The following SPACA7 variants were observed in gnomAD, a reference collection of about 807,000 sequenced individuals.
The protein encoded by SPACA7 is sperm acrosome associated 7.
In SPACA7, 19 loss-of-function variants were observed where a neutral mutation model predicts 26.3. The ratio of observed to expected loss-of-function variants is 0.72; its 90% CI spans 0.50 to 1.06. The LOEUF (loss-of-function observed/expected upper bound fraction) is 1.06, where lower values mean the gene tolerates loss of function less well. Ranked by LOEUF, SPACA7 falls within the 50% of genes least tolerant of loss-of-function variation. The pLI, the probability that SPACA7 is intolerant of heterozygous loss-of-function variation, is 0.00. For synonymous variants in SPACA7, 84 were observed against 84.5 expected, an observed-to-expected ratio of 0.99 and a Z score of 0.04; for missense variants, 211 against 229.9, an observed-to-expected ratio of 0.92 and a Z score of 0.53.
At chr13:112,389,528 G>C (rs1039371764) in intron 1 of SPACA7, among the ~76,000 whole-genome samples, 10 of 152,172 alleles carry the variant, frequency 6.6e-5, no homozygotes, top group Non-Finnish European at 1.2e-4. Context: ...ATTTGGGTTA[G>C]CTCCTCTGTT....
chr13:112,392,066 T>C (rs1326821718), intron 1 of SPACA7, among the ~76,000 whole-genome samples: 1 of 152,230 alleles, frequency 6.6e-6, no homozygotes, highest in Non-Finnish European at 1.5e-5. Context: ...TGGAAAGCTC[T>C]GTGCACTCTG....
intron 5 of SPACA7, among the ~76,000 whole-genome samples, chr13:112,416,978 C>G (rs9550078): frequency 0.4 from 60,324 of 151,908 alleles, 12,099 homozygotes; most frequent in Middle Eastern, 0.45. Flanking sequence ...ATGTTTGATG[C>G]ACACTTAGAT....
intron 5 of SPACA7, among the ~76,000 whole-genome samples, chr13:112,429,648 T>C (rs1176775120): frequency 6.6e-6 from 1 of 152,200 alleles, no homozygotes; most frequent in Non-Finnish European, 1.5e-5. Context: ...ACATTTTTAA[T>C]ACTTTTGCTT....
chr13:112,419,475 G>C (rs1286662154), intron 5 of SPACA7, among the ~76,000 whole-genome samples: 1 of 152,166 alleles, frequency 6.6e-6, no homozygotes, highest in Non-Finnish European at 1.5e-5. Context: ...TTTCTCAGTA[G>C]CTCTGAAGCT....
intron 1 of SPACA7, among the ~76,000 whole-genome samples, chr13:112,391,365 A>G (rs1042446473): frequency 2.0e-5 from 3 of 152,216 alleles, no homozygotes; most frequent in African/African-American, 7.2e-5. Context: ...TGAGTTGACC[A>G]TGTTTTGTGG....
chr13:112,433,445 T>C (rs71445100), intron 6 of SPACA7, among the ~76,000 whole-genome samples: 30,834 of 137,186 alleles, frequency 0.22, 790 homozygotes, highest in East Asian at 0.28. Flanking sequence ...CCTGGGAGCT[T>C]ACCTGCTAGA....
In SPACA7 at chr13:112,434,560, C is replaced by G; in HGVS notation, c.*11C>G. The G allele has an allele frequency of 6.3e-7, 1 of 1,599,110 alleles. No individual in the cohort carries two copies. The highest frequency in any genetic ancestry group is 8.5e-7 in the Non-Finnish European group (1 of 1,173,434). On this transcript the variant is annotated 3_prime_UTR_variant, in exon 7 of 7. Coordinates refer to ENST00000283550, the MANE Select transcript of SPACA7 (RefSeq NM_145248.5). ...CAAGGCAGTCAGTGAGGCCGCAGCCCCAGACCCCCTGCGCAGGAGAGGAGC... is the reference window on the plus strand; with the variant it reads ...CAAGGCAGTCAGTGAGGCCGCAGCCGCAGACCCCCTGCGCAGGAGAGGAGC...
intron 5 of SPACA7, among the ~76,000 whole-genome samples, chr13:112,407,806 C>T (rs36183504): frequency 1.3e-5 from 2 of 152,140 alleles, no homozygotes; most frequent in Non-Finnish European, 2.9e-5. Context: ...GGAGCTGGTA[C>T]CATTCCTTCT....
chr13:112,384,830 A>G (rs1884423858), intron 1 of SPACA7, among the ~76,000 whole-genome samples: 1 of 152,142 alleles, frequency 6.6e-6, no homozygotes. Flanking sequence ...CTCTTTCATT[A>G]TATTTTAACA....
At chr13:112,381,629 T>G (rs1479750242) in intron 1 of SPACA7, among the ~76,000 whole-genome samples, 1 of 152,188 alleles carries the variant, frequency 6.6e-6, no homozygotes, top group African/African-American at 2.4e-5. Flanking sequence ...GAGCCAGCTG[T>G]GCAGGAGACC....
intron 1 of SPACA7, among the ~76,000 whole-genome samples, chr13:112,383,126 AAAGAAAGAAAGAAAG>A (rs1566453089): frequency 2.0e-3 from 6 of 3,058 alleles, no homozygotes; most frequent in Non-Finnish European, 5.6e-3. Context: ...AAAAGAAAAG[AAAGAAAGAAAGAAAG>A]AAAGAAAGAA....
At chr13:112,383,097 A>G (rs968808465) in intron 1 of SPACA7, among the ~76,000 whole-genome samples, 1 of 45,404 alleles carries the variant, frequency 2.2e-5, no homozygotes, top group African/African-American at 6.7e-5. Context: ...AAAGAAAGAA[A>G]GAAGAAAGAA....
intron 2 of SPACA7, among the ~76,000 whole-genome samples, chr13:112,397,618 G>T (rs1396263407): frequency 1.3e-5 from 2 of 152,216 alleles, no homozygotes; most frequent in Non-Finnish European, 2.9e-5. Flanking sequence ...CTCCCTAGGA[G>T]AACCCATAGG....
intron 1 of SPACA7, among the ~76,000 whole-genome samples, chr13:112,387,945 A>G (rs1446048358): frequency 6.6e-6 from 1 of 152,194 alleles, no homozygotes. Context: ...GTTTTCTTTG[A>G]TCCACTCCAG....
At chr13:112,384,936 A>C (rs1456215967) in intron 1 of SPACA7, among the ~76,000 whole-genome samples, 3 of 152,232 alleles carry the variant, frequency 2.0e-5, no homozygotes, top group Non-Finnish European at 2.9e-5. Context: ...AAAATTTTAT[A>C]TCTCTATCAG....
chr13:112,414,977 A>G (rs1886596432), intron 5 of SPACA7, among the ~76,000 whole-genome samples: 2 of 152,088 alleles, frequency 1.3e-5, no homozygotes, highest in African/African-American at 4.8e-5. Context: ...TTCAAAGGAG[A>G]CTGACTGACT....
chr13:112,432,216 G>T (rs939198746), intron 5 of SPACA7, among the ~76,000 whole-genome samples: 1 of 152,204 alleles, frequency 6.6e-6, no homozygotes, highest in Non-Finnish European at 1.5e-5. Flanking sequence ...AGGACTCCAC[G>T]CATTGCTTCG....
chr13:112,379,744 T>C (rs911517602), intron 1 of SPACA7, among the ~76,000 whole-genome samples: 3 of 152,232 alleles, frequency 2.0e-5, no homozygotes, highest in Non-Finnish European at 4.4e-5. Context: ...TTTGAGATTT[T>C]CTAGTGGCCC....
At chr13:112,398,560 T>A (rs1566467310) in intron 3 of SPACA7, among the ~76,000 whole-genome samples, 2 of 152,224 alleles carry the variant, frequency 1.3e-5, no homozygotes, top group South Asian at 2.1e-4. Flanking sequence ...TGACAGAAGG[T>A]AAAACCAAGG....
Sources: gnomAD v4.1 joint callset for allele counts (sites outside exome capture counted in the v4.1 genomes callset) on GRCh38, gnomAD v4.1.1 for gene constraint, MANE v1.5 for transcripts, NCBI Gene and HGNC (gene_info 2026-07-23, HGNC 2026-07-21) for gene names.